Variants in EBF1 observed in about 807,000 individuals in gnomAD.
EBF1 encodes the protein EBF transcription factor 1.
EBF1 carries 10 observed loss-of-function variants against 68.4 expected under a neutral mutation model. That is an observed-to-expected ratio of 0.15 (90% CI 0.09 to 0.25). The LOEUF (loss-of-function observed/expected upper bound fraction) is 0.25, where lower values mean the gene tolerates loss of function less well. Ranked by LOEUF, EBF1 falls within the 10% of genes least tolerant of loss-of-function variation. The pLI is 1.00. For missense variants in EBF1, 509 were observed against 794.4 expected, an observed-to-expected ratio of 0.64 and a Z score of 4.32; for synonymous variants, 298 against 299.8, an observed-to-expected ratio of 0.99 and a Z score of 0.06.
chr5:158,932,340 T>G (rs1811057579), intron 6 of EBF1, among the ~76,000 whole-genome samples: 2 of 152,206 alleles, frequency 1.3e-5, no homozygotes, highest in African/African-American at 4.8e-5. Flanking sequence ...AGAATGCATA[T>G]TAATAAAAAT....
At chr5:158,901,205 A>G (rs1803240720) in intron 6 of EBF1, among the ~76,000 whole-genome samples, 1 of 152,202 alleles carries the variant, frequency 6.6e-6, no homozygotes, top group South Asian at 2.1e-4. Flanking sequence ...CATACATCTT[A>G]TCAGACATTT....
At chr5:159,029,049 G>A (rs1296897052) in intron 6 of EBF1, among the ~76,000 whole-genome samples, 1 of 152,052 alleles carries the variant, frequency 6.6e-6, no homozygotes, top group Non-Finnish European at 1.5e-5. Flanking sequence ...ATTCTATAAA[G>A]CCTTAAACCA....
At chr5:159,041,961 A>T (rs565372429) in intron 6 of EBF1, among the ~76,000 whole-genome samples, 54 of 152,308 alleles carry the variant, frequency 3.5e-4, no homozygotes, top group African/African-American at 1.3e-3. Context: ...CAGAATACTG[A>T]TCTATCCAAA....
At chr5:159,016,361 T>G (rs1442922027) in intron 6 of EBF1, among the ~76,000 whole-genome samples, 2 of 152,176 alleles carry the variant, frequency 1.3e-5, no homozygotes, top group Non-Finnish European at 2.9e-5. Flanking sequence ...CCCCTCAGAC[T>G]GGTTACCACC....
intron 10 of EBF1, among the ~76,000 whole-genome samples, chr5:158,750,129 A>G (rs1336890556): frequency 6.6e-6 from 1 of 152,184 alleles, no homozygotes; most frequent in African/African-American, 2.4e-5. Context: ...GAATAGATAC[A>G]AAAACATTGA....
rs1032570516 is a variant in EBF1 at position 158,865,629 on chromosome 5, G to A, written c.555-25519C>T. 2.6e-5 allele frequency among the ~76,000 whole-genome samples: 4 copies of A among 152,156 alleles called. No homozygotes were observed. In the South Asian group the frequency reaches 8.3e-4, roughly 32 times the overall value. On this transcript the variant is annotated intron_variant, in intron 6 of 15. Transcript: ENST00000313708. ...TTCAAGTTTAAGATATATTTGTTGT[G>A]CCGTGTTGTGTTGTGTTTGCTGTAG...
intron 6 of EBF1, among the ~76,000 whole-genome samples, chr5:158,948,071 C>T (rs1467977994): frequency 6.6e-6 from 1 of 152,202 alleles, no homozygotes; most frequent in African/African-American, 2.4e-5. Context: ...AAGAACTATT[C>T]TGGAAGCAAA....
intron 6 of EBF1, among the ~76,000 whole-genome samples, chr5:158,942,272 A>C (rs1208092433): frequency 6.6e-6 from 1 of 152,206 alleles, no homozygotes; most frequent in Non-Finnish European, 1.5e-5. Flanking sequence ...TAATATACAA[A>C]GAACATCAAA....
chr5:158,876,873 T>A (rs1442602817), intron 6 of EBF1, among the ~76,000 whole-genome samples: 1 of 152,064 alleles, frequency 6.6e-6, no homozygotes, highest in African/African-American at 2.4e-5. Flanking sequence ...GCTTTGGATT[T>A]TCATAATAGG....
intron 6 of EBF1, among the ~76,000 whole-genome samples, chr5:158,896,201 C>T (rs970691660): frequency 6.6e-6 from 1 of 152,164 alleles, no homozygotes; most frequent in East Asian, 1.9e-4. Context: ...TCAAGGAATA[C>T]GGTACCATTC....
At chr5:159,028,020 T>C (rs746800672) in intron 6 of EBF1, among the ~76,000 whole-genome samples, 1 of 152,210 alleles carries the variant, frequency 6.6e-6, no homozygotes, top group African/African-American at 2.4e-5. Context: ...AGAGTTTCTA[T>C]TATTAAAAGC....
intron 4 of EBF1, 108 bp downstream of exon 4, chr5:159,095,512 G>T: frequency 7.5e-7 from 1 of 1,333,042 alleles, no homozygotes; most frequent in Non-Finnish European, 1.0e-6. Context: ...GCCCCCGCTG[G>T]CTTTTAGAGT....
chr5:158,724,121 G>A (rs751556531), intron 11 of EBF1, among the ~76,000 whole-genome samples: 4 of 152,126 alleles, frequency 2.6e-5, no homozygotes, highest in Non-Finnish European at 4.4e-5. Flanking sequence ...TGGGGGAAAT[G>A]GACAGCATTC....
chr5:158,859,938 A>G (rs574905841), intron 6 of EBF1, among the ~76,000 whole-genome samples: 58 of 152,346 alleles, frequency 3.8e-4, no homozygotes, highest in African/African-American at 1.3e-3. Flanking sequence ...AACGTATTTT[A>G]TACAATCCTG....
At chr5:158,781,245 AAAG>A (rs1776397541) in intron 9 of EBF1, among the ~76,000 whole-genome samples, 1 of 152,210 alleles carries the variant, frequency 6.6e-6, no homozygotes, top group African/African-American at 2.4e-5. Context: ...TTATACTTAT[AAAG>A]AAGTATTTTC....
intron 8 of EBF1, 48 bp from the exon 9 acceptor site, chr5:158,796,523 C>A: frequency 6.5e-7 from 1 of 1,538,086 alleles, no homozygotes; most frequent in South Asian, 1.3e-5. Context: ...CTGTTAGAAC[C>A]AAACTTTAAT....
At chr5:158,934,979 G>A (rs1473235176) in intron 6 of EBF1, among the ~76,000 whole-genome samples, 2 of 152,260 alleles carry the variant, frequency 1.3e-5, no homozygotes, top group Non-Finnish European at 2.9e-5. Flanking sequence ...CAACAAAAAT[G>A]TGTTAGAGCC....
intron 6 of EBF1, among the ~76,000 whole-genome samples, chr5:159,017,411 G>A (rs987403752): frequency 4.6e-5 from 7 of 152,156 alleles, no homozygotes; most frequent in South Asian, 2.1e-4. Context: ...CAACAGCAAC[G>A]GAGCAGAGAG....
intron 10 of EBF1, among the ~76,000 whole-genome samples, chr5:158,774,354 T>C (rs1437982494): frequency 6.6e-6 from 1 of 151,088 alleles, no homozygotes; most frequent in Admixed American, 6.6e-5. Context: ...GCCTTTTTTC[T>C]TTTTTTTTAA....
Sources: gnomAD v4.1 joint callset for allele counts (sites outside exome capture counted in the v4.1 genomes callset) on GRCh38, gnomAD v4.1.1 for gene constraint, MANE v1.5 for transcripts, NCBI Gene and HGNC (gene_info 2026-07-23, HGNC 2026-07-21) for gene names.